The following EPB41L3 variants were observed in gnomAD, a reference collection of about 807,000 sequenced individuals.
The protein encoded by EPB41L3 is erythrocyte membrane protein band 4.1 like 3.
EPB41L3 carries 57 observed loss-of-function variants against 127.1 expected under a neutral mutation model. The observed-to-expected ratio is 0.45, with a 90% CI of 0.36 to 0.56. EPB41L3 has a LOEUF of 0.56. Ranked by LOEUF, EPB41L3 falls within the 20% of genes least tolerant of loss-of-function variation. The probability of loss-of-function intolerance (pLI) is 0.00; values close to 1 mark genes in which losing one functional copy is unlikely to be tolerated. For missense variants in EPB41L3, 1,273 were observed against 1,372.2 expected, an observed-to-expected ratio of 0.93 and a Z score of 1.14; for synonymous variants, 572 against 549.5, an observed-to-expected ratio of 1.04 and a Z score of -0.57.
intron 3 of EPB41L3, among the ~76,000 whole-genome samples, chr18:5,593,001 G>T (rs111721709): frequency 0.012 from 1,886 of 152,258 alleles, 18 homozygotes; most frequent in Non-Finnish European, 0.02. Flanking sequence ...TATCATGTAG[G>T]GCAGTGCTAT....
At chr18:5,571,628 T>C (rs945154875) in intron 3 of EPB41L3, among the ~76,000 whole-genome samples, 1 of 152,220 alleles carries the variant, frequency 6.6e-6, no homozygotes, top group Admixed American at 6.5e-5. Context: ...ATATCCCACA[T>C]TGGTTTAAAG....
chr18:5,584,906 A>G (rs755064506), intron 3 of EPB41L3, among the ~76,000 whole-genome samples: 12 of 152,234 alleles, frequency 7.9e-5, no homozygotes, highest in Non-Finnish European at 1.8e-4. Flanking sequence ...ATGAATATAC[A>G]GCATGAGACG....
intron 1 of EPB41L3, among the ~76,000 whole-genome samples, chr18:5,495,605 A>T (rs537894808): frequency 2.1e-5 from 2 of 95,074 alleles, no homozygotes; most frequent in South Asian, 3.0e-4. Flanking sequence ...TTGTCTGATT[A>T]AAAAAAAAAA....
chr18:5,549,890 A>C (rs961288716), intron 3 of EPB41L3, among the ~76,000 whole-genome samples: 1 of 152,112 alleles, frequency 6.6e-6, no homozygotes, highest in African/African-American at 2.4e-5. Flanking sequence ...ACGAGAGCTG[A>C]ACTGAAGATA....
chr18:5,408,610 G>C (rs919775855), intron 14 of EPB41L3, among the ~76,000 whole-genome samples: 3 of 151,500 alleles, frequency 2.0e-5, no homozygotes, highest in Non-Finnish European at 4.4e-5. Flanking sequence ...AAACAAATTT[G>C]GGAGGGGAGA....
intron 3 of EPB41L3, among the ~76,000 whole-genome samples, chr18:5,564,173 G>T (rs1399525036): frequency 6.6e-6 from 1 of 152,094 alleles, no homozygotes; most frequent in African/African-American, 2.4e-5. Context: ...ATAATTCTGT[G>T]TATCAAGGAG....
At chr18:5,436,845 T>C (rs1012979007) in intron 6 of EPB41L3, among the ~76,000 whole-genome samples, 2 of 152,214 alleles carry the variant, frequency 1.3e-5, no homozygotes, top group Non-Finnish European at 2.9e-5. Context: ...TTTATTGCAA[T>C]ATAAAAAATC....
intron 3 of EPB41L3, among the ~76,000 whole-genome samples, chr18:5,555,151 C>T (rs114409620): frequency 0.017 from 2,654 of 152,262 alleles, 77 homozygotes; most frequent in African/African-American, 0.06. Context: ...CTTCAGTGAT[C>T]CATAGTGCCC....
chr18:5,429,806 A>G (rs2078728869), intron 8 of EPB41L3, among the ~76,000 whole-genome samples: 1 of 152,182 alleles, frequency 6.6e-6, no homozygotes, highest in Admixed American at 6.5e-5. Context: ...CCATTTATCT[A>G]GGACTTTAAT....
chr18:5,506,375 C>T (rs997623623), intron 1 of EPB41L3, among the ~76,000 whole-genome samples: 3 of 152,144 alleles, frequency 2.0e-5, no homozygotes, highest in African/African-American at 4.8e-5. Context: ...TTCTCAGCGT[C>T]CTCCCCACCA....
At chr18:5,420,883 G>C (rs1568086694) in intron 11 of EPB41L3, among the ~76,000 whole-genome samples, 1 of 152,176 alleles carries the variant, frequency 6.6e-6, no homozygotes, top group Non-Finnish European at 1.5e-5. Context: ...AATCCTCTCT[G>C]AAATGCTTTC....
At chr18:5,619,728 A>G (rs1188699702) in intron 1 of EPB41L3, among the ~76,000 whole-genome samples, 1 of 152,182 alleles carries the variant, frequency 6.6e-6, no homozygotes, top group African/African-American at 2.4e-5. Flanking sequence ...TCAGCCATGT[A>G]TTATTTTTTA....
At chr18:5,429,914 A>C (rs1436648366) in intron 8 of EPB41L3, among the ~76,000 whole-genome samples, 2 of 152,166 alleles carry the variant, frequency 1.3e-5, no homozygotes, top group Non-Finnish European at 2.9e-5. Context: ...CACCACTCAG[A>C]GATGACCACC....
At chr18:5,503,488 A>T (rs983433595) in intron 1 of EPB41L3, among the ~76,000 whole-genome samples, 8 of 152,200 alleles carry the variant, frequency 5.3e-5, no homozygotes, top group African/African-American at 1.9e-4. Context: ...CTCCAGGCAC[A>T]GGTCATTTTT....
chr18:5,495,912 C>T (rs1448986079), intron 1 of EPB41L3, among the ~76,000 whole-genome samples: 1 of 152,218 alleles, frequency 6.6e-6, no homozygotes, highest in Non-Finnish European at 1.5e-5. Context: ...AAGACAGATA[C>T]TACCTGATCC....
At chr18:5,629,477 G>A (rs149710393), upstream of EPB41L3, among the ~76,000 whole-genome samples, 2 of 150,410 alleles carry the variant, frequency 1.3e-5, no homozygotes, top group Non-Finnish European at 3.0e-5. Context: ...CACGCCACAA[G>A]CCGGAATGCG....
intron 1 of EPB41L3, among the ~76,000 whole-genome samples, chr18:5,518,012 A>G (rs1337014551): frequency 6.6e-6 from 1 of 152,122 alleles, no homozygotes; most frequent in Non-Finnish European, 1.5e-5. Context: ...AGCATCCCTT[A>G]GCTAGATGAC....
intron 2 of EPB41L3, among the ~76,000 whole-genome samples, chr18:5,612,646 T>C (rs923396537): frequency 6.6e-6 from 1 of 152,244 alleles, no homozygotes; most frequent in African/African-American, 2.4e-5. Context: ...TAATTAACTA[T>C]TTTTACTTGC....
At chr18:5,508,570 A>C (rs982907715) in intron 1 of EPB41L3, among the ~76,000 whole-genome samples, 1 of 152,064 alleles carries the variant, frequency 6.6e-6, no homozygotes, top group Non-Finnish European at 1.5e-5. Flanking sequence ...GATCGAGACC[A>C]TCCTGGCCAA....
Sources: gnomAD v4.1 joint callset for allele counts (sites outside exome capture counted in the v4.1 genomes callset) on GRCh38, gnomAD v4.1.1 for gene constraint, MANE v1.5 for transcripts, NCBI Gene and HGNC (gene_info 2026-07-23, HGNC 2026-07-21) for gene names.